Variants in GLT1D1 observed in about 807,000 individuals in gnomAD.
GLT1D1 encodes glycosyltransferase 1 domain-containing protein 1.
Under a neutral mutation model 28.7 loss-of-function variants are expected in GLT1D1, and 21 were observed. The ratio of observed to expected loss-of-function variants is 0.73; its 90% CI spans 0.52 to 1.05. The LOEUF (loss-of-function observed/expected upper bound fraction) is 1.05, where lower values mean the gene tolerates loss of function less well. Ranked by LOEUF, GLT1D1 falls within the 50% of genes least tolerant of loss-of-function variation. The probability of loss-of-function intolerance (pLI) is 0.00; values close to 1 mark genes in which losing one functional copy is unlikely to be tolerated. For synonymous variants in GLT1D1, 147 were observed against 124.8 expected (o/e 1.18, Z -1.19); for missense variants, 343 against 330.6 (o/e 1.04, Z -0.29).
At chr12:128,874,787 A>G (rs994214394) in intron 1 of GLT1D1, among the ~76,000 whole-genome samples, 1 of 152,236 alleles carries the variant, frequency 6.6e-6, no homozygotes, top group East Asian at 1.9e-4. Flanking sequence ...CCCAGCCCTC[A>G]TGTCCGTTTT....
intron 4 of GLT1D1, chr12:128,944,869 A>G (rs1163360219): frequency 1.1e-5 from 4 of 354,790 alleles, no homozygotes; most frequent in Non-Finnish European, 2.0e-5. Flanking sequence ...ACATAGGTAT[A>G]CATGTGCCAT....
chr12:128,964,714 C>G (rs1339409378), intron 7 of GLT1D1, among the ~76,000 whole-genome samples: 1 of 152,136 alleles, frequency 6.6e-6, no homozygotes, highest in African/African-American at 2.4e-5. Context: ...AGACTCGTCA[C>G]CCTGGCATGT....
intron 4 of GLT1D1, among the ~76,000 whole-genome samples, chr12:128,934,443 C>T (rs576014127): frequency 6.6e-6 from 1 of 152,280 alleles, no homozygotes; most frequent in Admixed American, 6.5e-5. Flanking sequence ...ATCCACCCGC[C>T]TCGGCCTCCC....
At chr12:128,981,716 G>A (rs1880335618) in intron 7 of GLT1D1, among the ~76,000 whole-genome samples, 1 of 152,162 alleles carries the variant, frequency 6.6e-6, no homozygotes, top group South Asian at 2.1e-4. Context: ...GGCTGTGGGG[G>A]AATAACCATG....
intron 1 of GLT1D1, among the ~76,000 whole-genome samples, chr12:128,875,635 A>G (rs1242514796): frequency 1.3e-5 from 2 of 152,116 alleles, no homozygotes; most frequent in East Asian, 1.9e-4. Flanking sequence ...CGTTTCTACT[A>G]AAAATACAAA....
At chr12:128,907,466 C>T (rs1209955149) in intron 4 of GLT1D1, among the ~76,000 whole-genome samples, 3 of 152,192 alleles carry the variant, frequency 2.0e-5, no homozygotes, top group South Asian at 2.1e-4. Flanking sequence ...CCACCACACC[C>T]AGCTAATTTT....
chr12:128,926,930 G>A (rs556826125), intron 4 of GLT1D1, among the ~76,000 whole-genome samples, 175 bp from the exon 8 acceptor site: 15 of 152,148 alleles, frequency 9.9e-5, no homozygotes, highest in Non-Finnish European at 2.2e-4. Context: ...ATCATAAAAT[G>A]TCAAATACAG....
intron 7 of GLT1D1, among the ~76,000 whole-genome samples, chr12:128,981,654 A>G (rs2135561706): frequency 6.6e-6 from 1 of 152,380 alleles, no homozygotes; most frequent in Non-Finnish European, 1.5e-5. Flanking sequence ...TTTAAACAGC[A>G]AAAGCACTCT....
At chr12:128,931,685 T>C (rs1409331038) in intron 4 of GLT1D1, among the ~76,000 whole-genome samples, 1 of 152,052 alleles carries the variant, frequency 6.6e-6, no homozygotes, top group African/African-American at 2.4e-5. Context: ...GCACAGTGAG[T>C]GTAAAAAGTG....
chr12:128,946,048 G>A (rs947807765), intron 5 of GLT1D1, among the ~76,000 whole-genome samples: 1 of 152,154 alleles, frequency 6.6e-6, no homozygotes, highest in Non-Finnish European at 1.5e-5. Context: ...CAACCACAAA[G>A]GGCACTGACA....
At chr12:128,864,492 G>A (rs529284253) in intron 1 of GLT1D1, among the ~76,000 whole-genome samples, 5 of 152,316 alleles carry the variant, frequency 3.3e-5, no homozygotes, top group African/African-American at 1.2e-4. Flanking sequence ...CTGAAGGTCC[G>A]TGGAGATCTT....
At chr12:128,918,401 A>G (rs1872321495) in intron 4 of GLT1D1, among the ~76,000 whole-genome samples, 1 of 152,192 alleles carries the variant, frequency 6.6e-6, no homozygotes, top group Non-Finnish European at 1.5e-5. Flanking sequence ...TGATAGATGC[A>G]GCAAACCACC....
At chr12:128,868,697 A>G (rs1298997007) in intron 1 of GLT1D1, among the ~76,000 whole-genome samples, 1 of 152,156 alleles carries the variant, frequency 6.6e-6, no homozygotes, top group Non-Finnish European at 1.5e-5. Context: ...TGCCAGAGCC[A>G]GTGGGGTCTG....
In GLT1D1 at chr12:128,940,414, T is replaced by C. The variant is rs189103374; in HGVS notation, c.376-4912T>C. ...CAATCCCAAGGTGCTAGAGTTCTCA[T>C]TGGACAGACGAGCAAACTGACACGC... On this transcript the variant is annotated intron_variant, in intron 4 of 7. Transcript: ENST00000281703. 5.9e-5 allele frequency among the ~76,000 whole-genome samples: 9 copies of C among 152,256 alleles called. No individual in the cohort carries two copies. The South Asian group carries it at 6.2e-4, about 11-fold the overall frequency.
intron 7 of GLT1D1, among the ~76,000 whole-genome samples, chr12:128,982,174 C>G (rs1050557617): frequency 1.4e-4 from 21 of 148,768 alleles, no homozygotes; most frequent in Admixed American, 2.6e-4. Context: ...GGAGGAAAGG[C>G]CAGAAAAGCA....
chr12:128,900,061 G>A (rs183614793), intron 4 of GLT1D1, among the ~76,000 whole-genome samples: 1 of 152,266 alleles, frequency 6.6e-6, no homozygotes, highest in Admixed American at 6.5e-5. Flanking sequence ...ATGACTTAGA[G>A]GGCTGGTGTA....
At chr12:128,880,433 A>G (rs1354755801) in intron 2 of GLT1D1, among the ~76,000 whole-genome samples, 8 of 152,216 alleles carry the variant, frequency 5.3e-5, no homozygotes, top group Non-Finnish European at 7.3e-5. Context: ...GTTGTTGTCC[A>G]TATGGAAATT....
At chr12:128,931,060 G>C (rs1393661587) in intron 4 of GLT1D1, among the ~76,000 whole-genome samples, 3 of 151,146 alleles carry the variant, frequency 2.0e-5, no homozygotes, top group Non-Finnish European at 4.4e-5. Flanking sequence ...GGAGCGCAAT[G>C]GCGTGATCTT....
chr12:128,895,706 C>T lies in GLT1D1; in HGVS notation c.324-3530C>T, dbSNP rs564636744. Among the ~76,000 whole-genome samples, 9 of 152,048 alleles carry T rather than the reference C, an allele frequency of 5.9e-5. No individual in the cohort carries two copies. In the South Asian group the frequency reaches 1.0e-3, roughly 18 times the overall value. On this transcript the variant is annotated intron_variant, in intron 3 of 7. Transcript: ENST00000281703. ...ACTCCTAACCTCAGGTGATCCTCCC[C>T]CCTCGGCCTCCCAAAGTGCTGAGAT...
Sources: allele counts gnomAD v4.1 joint callset (sites outside exome capture counted in the v4.1 genomes callset), GRCh38; gene constraint gnomAD v4.1.1; transcripts MANE v1.5; gene names NCBI Gene and HGNC (gene_info 2026-07-23, HGNC 2026-07-21).